Variants in SETBP1 observed in about 807,000 individuals in gnomAD.
SETBP1 encodes SET binding protein 1.
SETBP1 carries 9 observed loss-of-function variants against 101.0 expected under a neutral mutation model. The observed-to-expected ratio is 0.09, with a 90% CI of 0.05 to 0.16. The LOEUF (loss-of-function observed/expected upper bound fraction) is 0.16. SETBP1 is among the 10% of genes least tolerant of loss of function. The pLI is 1.00. For missense variants in SETBP1, 1,858 were observed against 2,033.8 expected (o/e 0.91, Z 1.66); for synonymous variants, 818 against 788.5 (o/e 1.04, Z -0.63).
At chr18:44,795,720 A>G (rs1158058389) in intron 2 of SETBP1, among the ~76,000 whole-genome samples, 1 of 152,242 alleles carries the variant, frequency 6.6e-6, no homozygotes, top group Non-Finnish European at 1.5e-5. Flanking sequence ...ATCATTGCTT[A>G]GAAAATCACC....
chr18:45,043,339 G>A (rs1431376751), intron 5 of SETBP1, among the ~76,000 whole-genome samples: 1 of 146,096 alleles, frequency 6.8e-6, no homozygotes, highest in Non-Finnish European at 1.5e-5. Flanking sequence ...GGGAAGACAA[G>A]TATATCCTTT....
intron 2 of SETBP1, among the ~76,000 whole-genome samples, chr18:44,851,912 G>A (rs909287978): frequency 6.6e-6 from 1 of 152,164 alleles, no homozygotes; most frequent in Non-Finnish European, 1.5e-5. Context: ...TCTGCTCCTG[G>A]AGCCCACCCT....
intron 2 of SETBP1, among the ~76,000 whole-genome samples, chr18:44,807,881 C>A (rs2071781484): frequency 6.6e-6 from 1 of 152,106 alleles, no homozygotes; most frequent in African/African-American, 2.4e-5. Flanking sequence ...AAGTGACAAG[C>A]TGGACATGTG....
At chr18:44,769,803 T>C (rs1946223365) in intron 2 of SETBP1, among the ~76,000 whole-genome samples, 1 of 152,230 alleles carries the variant, frequency 6.6e-6, no homozygotes, top group Admixed American at 6.5e-5. Context: ...TGCTGGCATC[T>C]TCAGCCACTC....
intron 4 of SETBP1, among the ~76,000 whole-genome samples, chr18:45,012,846 A>T (rs1316082895): frequency 6.6e-6 from 1 of 152,204 alleles, no homozygotes; most frequent in East Asian, 1.9e-4. Context: ...ACTGATAGAC[A>T]TTGAGGACTT....
intron 2 of SETBP1, among the ~76,000 whole-genome samples, chr18:44,725,904 C>G (rs760569981): frequency 7.8e-4 from 118 of 152,184 alleles, no homozygotes; most frequent in Non-Finnish European, 1.2e-4. Flanking sequence ...ACTTAGAAAT[C>G]TATGGTTAGA....
intron 4 of SETBP1, among the ~76,000 whole-genome samples, chr18:45,023,032 T>C (rs867857362): frequency 6.6e-6 from 1 of 152,144 alleles, no homozygotes. Context: ...CAGTAGCTTG[T>C]AGAACTGTGA....
intron 5 of SETBP1, among the ~76,000 whole-genome samples, chr18:45,054,050 G>C (rs1299334833): frequency 6.6e-6 from 1 of 152,178 alleles, no homozygotes; most frequent in African/African-American, 2.4e-5. Context: ...TCTCATCAGT[G>C]TGTTGGGACT....
intron 2 of SETBP1, among the ~76,000 whole-genome samples, chr18:44,773,321 A>G (rs1034732509): frequency 6.6e-6 from 1 of 152,076 alleles, no homozygotes; most frequent in African/African-American, 2.4e-5. Flanking sequence ...CCATGGAGGG[A>G]GTGCTCTGTA....
chr18:45,053,923 C>G (rs894092575), intron 5 of SETBP1, among the ~76,000 whole-genome samples: 3 of 152,016 alleles, frequency 2.0e-5, no homozygotes, highest in Admixed American at 1.3e-4. Flanking sequence ...TATAAAGAGC[C>G]CTTTGAGAGG....
chr18:44,841,436 A>C (rs2072614437), intron 2 of SETBP1, among the ~76,000 whole-genome samples: 1 of 152,244 alleles, frequency 6.6e-6, no homozygotes, highest in Middle Eastern at 3.4e-3. Flanking sequence ...CAATCTATTC[A>C]CTAGACATGA....
intron 3 of SETBP1, among the ~76,000 whole-genome samples, chr18:44,911,359 G>A (rs1282064989): frequency 2.0e-5 from 3 of 152,134 alleles, no homozygotes; most frequent in Non-Finnish European, 4.4e-5. Context: ...CAAAAACAGC[G>A]ATTACTTTTG....
intron 5 of SETBP1, among the ~76,000 whole-genome samples, chr18:45,049,999 G>C (rs1003029129): frequency 2.0e-5 from 3 of 152,152 alleles, no homozygotes; most frequent in Admixed American, 2.0e-4. Context: ...CAGTTGCTTT[G>C]ATTATTGCCT....
At chr18:44,891,925 T>C (rs966260817) in intron 3 of SETBP1, among the ~76,000 whole-genome samples, 4 of 152,122 alleles carry the variant, frequency 2.6e-5, no homozygotes, top group African/African-American at 9.7e-5. Context: ...TTTTATTTTC[T>C]CAAAGGAGTT....
At chr18:44,685,718 C>A (rs187639326) in intron 1 of SETBP1, among the ~76,000 whole-genome samples, 1 of 152,316 alleles carries the variant, frequency 6.6e-6, no homozygotes, top group African/African-American at 2.4e-5. Flanking sequence ...TTCCATGCTG[C>A]CTCCTGGAAA....
chr18:44,739,307 C>T (rs1348741369), intron 2 of SETBP1, among the ~76,000 whole-genome samples: 1 of 152,138 alleles, frequency 6.6e-6, no homozygotes, highest in Non-Finnish European at 1.5e-5. Flanking sequence ...CTTTGTGGGG[C>T]CATTATTCTG....
intron 4 of SETBP1, among the ~76,000 whole-genome samples, chr18:44,972,010 G>A (rs2071873422): frequency 6.6e-6 from 1 of 152,178 alleles, no homozygotes; most frequent in South Asian, 2.1e-4. Flanking sequence ...ATGGTTTTAG[G>A]TCTAACATTT....
intron 1 of SETBP1, among the ~76,000 whole-genome samples, chr18:44,698,301 C>T (rs1599002599): frequency 6.6e-6 from 1 of 152,188 alleles, no homozygotes; most frequent in African/African-American, 2.4e-5. Context: ...GAATTATCTT[C>T]CTAAAGCTTA....
chr18:45,047,273 G>A (rs897519472), intron 5 of SETBP1, among the ~76,000 whole-genome samples: 27 of 152,090 alleles, frequency 1.8e-4, no homozygotes, highest in African/African-American at 6.3e-4. Context: ...TACGTGAAGC[G>A]ATTTCTATTA....
Sources: gnomAD v4.1 joint callset for allele counts (sites outside exome capture counted in the v4.1 genomes callset) on GRCh38, gnomAD v4.1.1 for gene constraint, MANE v1.5 for transcripts, NCBI Gene and HGNC (gene_info 2026-07-23, HGNC 2026-07-21) for gene names.